SDK1: variants seen among roughly 807,000 people sequenced by gnomAD.
SDK1 encodes sidekick cell adhesion molecule 1.
SDK1 carries 157 observed loss-of-function variants against 245.5 expected under a neutral mutation model. That is an observed-to-expected ratio of 0.64 (90% CI 0.56 to 0.73). The LOEUF is 0.73. Among genes scored for constraint, SDK1 ranks in the 30% least tolerant of loss-of-function variants. The pLI, the probability that SDK1 is intolerant of heterozygous loss-of-function variation, is 0.00. For missense variants in SDK1, 3,583 were observed against 3,002.3 expected, an observed-to-expected ratio of 1.19 and a Z score of -4.52; for synonymous variants, 1,647 against 1,278.5, an observed-to-expected ratio of 1.29 and a Z score of -6.15.
At chr7:3,474,416 A>G (rs993720082) in intron 1 of SDK1, among the ~76,000 whole-genome samples, 7 of 151,602 alleles carry the variant, frequency 4.6e-5, no homozygotes, top group East Asian at 1.9e-4. Context: ...TGTTTTAAAG[A>G]CACCTCACAT....
chr7:3,619,128 AC>A lies in SDK1; in HGVS notation c.349del (p.Leu117TrpfsTer94). On this transcript the variant is annotated frameshift_variant, in exon 2 of 45. Transcript: ENST00000404826. LOFTEE classifies it high-confidence loss of function. ...ACGGAGCCAGGCCTACCACAGATCCACCTGGAAGGGAACCGCCTTGTTCTCA... is the reference window on the plus strand; with the variant it reads ...ACGGAGCCAGGCCTACCACAGATCCACTGGAAGGGAACCGCCTTGTTCTCA... ...FKTEPGLPQIHLEGNRLVLTC... is the reference protein window; with the variant it reads ...FKTEPGLPQIXLEGNRLVLTC... 6.2e-7 allele frequency: 1 copy of A among 1,613,848 alleles called. No homozygotes were observed. Among genetic ancestry groups the A allele is most frequent in the African/African-American group, 1.3e-5 (1 of 75,052 alleles).
chr7:3,786,307 T>A (rs1033135333), intron 4 of SDK1, among the ~76,000 whole-genome samples: 5 of 152,212 alleles, frequency 3.3e-5, no homozygotes, highest in Non-Finnish European at 4.4e-5. Flanking sequence ...GTTGCAGAGT[T>A]AAACACAGCT....
rs753072393 is a variant in SDK1, at chr7:4,042,235, C to G, written c.2603-7113C>G. ...CACAGTGAGAGACCACTGCACTGTC[C>G]CACCTCCTTCTTCCCCATCCACTCC... On this transcript the variant is annotated intron_variant, in intron 17 of 44. Coordinates refer to ENST00000404826, the MANE Select transcript of SDK1 (RefSeq NM_152744.4). 2.5e-4 allele frequency among the ~76,000 whole-genome samples: 34 copies of G among 136,136 alleles called. 5 individuals carry two copies. The highest frequency in any genetic ancestry group is 4.7e-4 in the Non-Finnish European group (31 of 65,822). The allele number at this position is 136,136 out of a possible 152,430, so 89.3% of individuals were successfully genotyped here. A position where few individuals can be genotyped will look rare whatever the true frequency, so the allele number is the denominator to read the frequency against.
chr7:3,939,689 A>G (rs1274815194), intron 5 of SDK1, among the ~76,000 whole-genome samples: 3 of 152,202 alleles, frequency 2.0e-5, no homozygotes, highest in Non-Finnish European at 4.4e-5. Flanking sequence ...ATGTGTATGT[A>G]TATCTGAGTC....
chr7:3,330,935 C>A (rs541244637), intron 1 of SDK1, among the ~76,000 whole-genome samples: 1 of 151,780 alleles, frequency 6.6e-6, no homozygotes, highest in African/African-American at 2.4e-5. Flanking sequence ...CATTGCACTC[C>A]AGCCTGGATG....
At chr7:3,524,463 A>G (rs1046546419) in intron 1 of SDK1, among the ~76,000 whole-genome samples, 1 of 152,120 alleles carries the variant, frequency 6.6e-6, no homozygotes, top group Non-Finnish European at 1.5e-5. Context: ...GGCAGGAAGT[A>G]TAGGATTGGG....
chr7:4,236,074 C>T (rs1354503957), intron 41 of SDK1, among the ~76,000 whole-genome samples: 2 of 152,262 alleles, frequency 1.3e-5, no homozygotes, highest in African/African-American at 2.4e-5. Flanking sequence ...TGTGAACCTG[C>T]ATTAGCCAAA....
chr7:3,579,607 C>G (rs565988475), intron 1 of SDK1, among the ~76,000 whole-genome samples: 1 of 152,294 alleles, frequency 6.6e-6, no homozygotes, highest in East Asian at 1.9e-4. Context: ...CCTTTGAAAA[C>G]TGGCTGAAGA....
chr7:3,439,929 C>T (rs1196923321), intron 1 of SDK1, among the ~76,000 whole-genome samples: 1 of 114,018 alleles, frequency 8.8e-6, no homozygotes. Flanking sequence ...CTACCCTGTG[C>T]TGGACTTTTT....
chr7:4,066,923 G>A (rs1779944266), intron 19 of SDK1, among the ~76,000 whole-genome samples: 2 of 152,176 alleles, frequency 1.3e-5, no homozygotes, highest in Non-Finnish European at 2.9e-5. Context: ...TTTAACTCAT[G>A]TTTTAGACTC....
rs563200998 is a variant in SDK1, at chr7:4,226,317, G to A, written c.5827+4953G>A. 3.3e-5 allele frequency among the ~76,000 whole-genome samples: 5 copies of A among 152,234 alleles called. No individual in the cohort carries two copies. The South Asian group carries it at 6.2e-4, about 19-fold the overall frequency. ...CCCCTCTGGCCCACGTGGTCGGCTC[G>A]GCCTGATGTCTCTCTATCCAGCTGA... On this transcript the variant is annotated intron_variant, in intron 40 of 44. Coordinates refer to ENST00000404826, the MANE Select transcript of SDK1 (RefSeq NM_152744.4).
chr7:3,988,157 T>TA lies in SDK1; in HGVS notation c.2131+836dup, dbSNP rs1554298423. ...GTTTTTTTTTTTTTTTTTTTTTTTT[T>TA]ACCTCACTCCTGCAGCCACCCAAAT... is the stretch of plus-strand genomic sequence containing the variant. On this transcript the variant is annotated intron_variant, in intron 14 of 44. Transcript: ENST00000404826. Among the ~76,000 whole-genome samples the TA allele has an allele frequency of 9.5e-3, 1,055 of 111,104 alleles. 29 individuals carry two copies. Among genetic ancestry groups the TA allele is most frequent in the African/African-American group, 0.039 (896 of 22,768 alleles). 72.9% of individuals were successfully genotyped at this position (111,104 alleles called of 152,430 possible).
intron 5 of SDK1, among the ~76,000 whole-genome samples, chr7:3,934,471 C>T (rs192107400): frequency 1.9e-4 from 29 of 152,366 alleles, no homozygotes; most frequent in Non-Finnish European, 4.0e-4. Context: ...CAGTCACAAA[C>T]ATCCCAGAGC....
chr7:3,808,605 C>T (rs1416418195), intron 4 of SDK1, among the ~76,000 whole-genome samples: 1 of 152,170 alleles, frequency 6.6e-6, no homozygotes, highest in South Asian at 2.1e-4. Flanking sequence ...CCTGAAAGCT[C>T]AGTTTAGGGG....
chr7:3,964,179 G>T (rs140571624), intron 9 of SDK1, among the ~76,000 whole-genome samples: 2 of 152,220 alleles, frequency 1.3e-5, no homozygotes, highest in Non-Finnish European at 2.9e-5. Context: ...AACAGAAGGG[G>T]TAATGTGGCC....
intron 4 of SDK1, among the ~76,000 whole-genome samples, chr7:3,658,552 C>T (rs1396293897): frequency 1.3e-5 from 2 of 151,018 alleles, no homozygotes; most frequent in Non-Finnish European, 2.9e-5. Context: ...CACAAAAGCA[C>T]CTAATTCAGT....
chr7:3,789,423 C>T (rs1781012896), intron 4 of SDK1, among the ~76,000 whole-genome samples: 1 of 152,254 alleles, frequency 6.6e-6, no homozygotes, highest in Admixed American at 6.5e-5. Context: ...GCTGGGATTA[C>T]AGGCGTGAGC....
intron 12 of SDK1, among the ~76,000 whole-genome samples, chr7:3,971,847 G>A (rs1016445998): frequency 3.9e-5 from 6 of 152,088 alleles, no homozygotes; most frequent in Admixed American, 2.0e-4. Context: ...TCTGTAAAAC[G>A]TACTTGTCAG....
rs776277920 is a variant in SDK1, at chr7:3,410,578, C to CTTTTTTTTTTTTT, written c.298+108707_298+108719dup. The stretch of plus-strand genomic sequence containing the variant: ...TCATAAGTGGCAGGTGAAATGATAT[C>CTTTTTTTTTTTTT]TTTTTTTTTTTTTTTTTTTTTTTTT... On this transcript the variant is annotated intron_variant, in intron 1 of 44. Transcript: ENST00000404826. 8.9e-4 allele frequency among the ~76,000 whole-genome samples: 73 copies of CTTTTTTTTTTTTT among 82,066 alleles called. 1 individual carries two copies. The highest frequency in any genetic ancestry group is 3.6e-3 in the African/African-American group (68 of 18,968). 53.8% of individuals were successfully genotyped at this position (82,066 alleles called of 152,430 possible).
Sources: gnomAD v4.1 joint callset for allele counts (sites outside exome capture counted in the v4.1 genomes callset) on GRCh38, gnomAD v4.1.1 for gene constraint, MANE v1.5 for transcripts, NCBI Gene and HGNC (gene_info 2026-07-23, HGNC 2026-07-21) for gene names.